ZNF385B: variants seen among roughly 807,000 people sequenced by gnomAD.
The protein encoded by ZNF385B is zinc finger protein 385B.
A neutral mutation model predicts 39.2 loss-of-function variants in ZNF385B; 23 were observed. That is an observed-to-expected ratio of 0.59 (90% CI 0.42 to 0.83). The LOEUF (loss-of-function observed/expected upper bound fraction) is 0.83. ZNF385B is among the 40% of genes least tolerant of loss of function. The pLI, the probability that ZNF385B is intolerant of heterozygous loss-of-function variation, is 0.00. For synonymous variants in ZNF385B, 205 were observed against 222.6 expected (o/e 0.92, Z 0.70); for missense variants, 552 against 598.9 (o/e 0.92, Z 0.82).
intron 3 of ZNF385B, among the ~76,000 whole-genome samples, chr2:179,665,373 C>T (rs1695011478): frequency 6.6e-6 from 1 of 152,126 alleles, no homozygotes; most frequent in African/African-American, 2.4e-5. Context: ...GAGGTGATGA[C>T]GAGAATCCAG....
At chr2:179,589,908 G>A (rs1486676569) in intron 3 of ZNF385B, among the ~76,000 whole-genome samples, 2 of 152,148 alleles carry the variant, frequency 1.3e-5, no homozygotes, top group African/African-American at 2.4e-5. Flanking sequence ...TCTTTTGTGA[G>A]GCAGATCTAA....
chr2:179,807,878 G>A (rs1240635521), intron 1 of ZNF385B, among the ~76,000 whole-genome samples: 1 of 145,198 alleles, frequency 6.9e-6, no homozygotes, highest in Non-Finnish European at 1.5e-5. Flanking sequence ...CTGGGCGACA[G>A]AGCGAGACTC....
chr2:179,654,559 AAAAT>A (rs1693542109), intron 3 of ZNF385B, among the ~76,000 whole-genome samples: 1 of 152,314 alleles, frequency 6.6e-6, no homozygotes, highest in East Asian at 1.9e-4. Flanking sequence ...TGTCTTAACT[AAAAT>A]AAATAGGAAT....
intron 1 of ZNF385B, among the ~76,000 whole-genome samples, chr2:179,805,228 A>G (rs1309281301): frequency 1.3e-5 from 2 of 152,170 alleles, no homozygotes; most frequent in South Asian, 2.1e-4. Context: ...AACACTCCAG[A>G]TTAGCTCCCA....
At chr2:179,517,701 C>A (rs930771009) in intron 5 of ZNF385B, among the ~76,000 whole-genome samples, 1 of 152,080 alleles carries the variant, frequency 6.6e-6, no homozygotes, top group African/African-American at 2.4e-5. Context: ...ATGCAGCCTT[C>A]GGATTCTGAT....
intron 1 of ZNF385B, among the ~76,000 whole-genome samples, chr2:179,777,494 C>A (rs1393241842): frequency 6.6e-6 from 1 of 152,044 alleles, no homozygotes; most frequent in East Asian, 1.9e-4. Context: ...ATACACATAT[C>A]TATAAACAAA....
intron 3 of ZNF385B, among the ~76,000 whole-genome samples, chr2:179,611,870 A>T (rs916240600): frequency 6.6e-6 from 1 of 151,984 alleles, no homozygotes. Flanking sequence ...ATCGATTGTA[A>T]TGTCTCCTTT....
chr2:179,518,474 A>G, intron 5 of ZNF385B, 54 bp downstream of exon 5: 2 of 1,269,444 alleles, frequency 1.6e-6, no homozygotes, highest in East Asian at 2.4e-5. Context: ...ATTTAGATCA[A>G]TCAGACTTTT....
intron 3 of ZNF385B, among the ~76,000 whole-genome samples, chr2:179,752,238 T>C (rs1702723468): frequency 6.6e-6 from 1 of 152,230 alleles, no homozygotes; most frequent in South Asian, 2.1e-4. Flanking sequence ...TCCAGCTTCA[T>C]CCATGTCCCT....
intron 3 of ZNF385B, among the ~76,000 whole-genome samples, chr2:179,768,637 GGGA>G (rs1442444248): frequency 3.3e-5 from 5 of 152,146 alleles, no homozygotes; most frequent in African/African-American, 4.8e-5. Context: ...CCCCACATTT[GGGA>G]GGAGGCTTAT....
intron 1 of ZNF385B, among the ~76,000 whole-genome samples, chr2:179,795,203 G>A (rs1428226829): frequency 6.6e-6 from 1 of 152,000 alleles, no homozygotes; most frequent in Non-Finnish European, 1.5e-5. Flanking sequence ...GGTGCCGAAG[G>A]GATGTCAAAT....
In ZNF385B at chr2:179,783,886, A is replaced by AG. The variant is rs1215494769; in HGVS notation, c.-154-13215dup. Reference sequence around the variant, plus strand: ...TATACTGTTGCTGGGAGGGTAAATTAGTTCAACCATTGTGGAACACAGCAT... The same window carrying AG: ...TATACTGTTGCTGGGAGGGTAAATTAGGTTCAACCATTGTGGAACACAGCAT... On this transcript the variant is annotated intron_variant, in intron 1 of 9. Transcript: ENST00000410066. Among the ~76,000 whole-genome samples, 3 of 152,326 alleles carry AG rather than the reference A, an allele frequency of 2.0e-5. 1 individual carries two copies. The highest frequency in any genetic ancestry group is 3.9e-4 in the East Asian group (2 of 5,190).
chr2:179,599,575 T>C (rs879431154), intron 3 of ZNF385B, among the ~76,000 whole-genome samples: 3 of 152,210 alleles, frequency 2.0e-5, no homozygotes, highest in African/African-American at 7.2e-5. Context: ...TGTTAAAATA[T>C]CTCCATTAAG....
Position 179,446,574 on chromosome 2 carries a change from T to C in ZNF385B, c.912A>G (p.Leu304=), listed in dbSNP as rs775058855. The change falls in exon 7 of 10, where the codon CTA becomes CTG. Residue 304 remains leucine (L), a synonymous_variant. Coordinates refer to ENST00000410066, the MANE Select transcript of ZNF385B (RefSeq NM_152520.6). ...ACAGGGAGTTCACAGCCACTTTGCA[T>C]AGTGAACAATAAAGTAATTTTTTGG... ...EKAKKLLYCS[L]CKVAVNSLSQ... The C allele has an allele frequency of 2.5e-6, 4 of 1,614,116 alleles. No homozygotes were observed. In the South Asian group the frequency reaches 3.3e-5, roughly 13 times the overall value.
At chr2:179,641,627 G>A (rs1159327840) in intron 3 of ZNF385B, among the ~76,000 whole-genome samples, 1 of 151,856 alleles carries the variant, frequency 6.6e-6, no homozygotes, top group Non-Finnish European at 1.5e-5. Context: ...CAACAAAATT[G>A]AACCTCTATG....
chr2:179,606,944 A>G (rs1384678630), intron 3 of ZNF385B, among the ~76,000 whole-genome samples: 1 of 152,030 alleles, frequency 6.6e-6, no homozygotes, highest in African/African-American at 2.4e-5. Flanking sequence ...TGTGCTATGT[A>G]TCTCCTGGGT....
chr2:179,591,174 A>T (rs983415839), intron 3 of ZNF385B, among the ~76,000 whole-genome samples: 1 of 151,926 alleles, frequency 6.6e-6, no homozygotes, highest in African/African-American at 2.4e-5. Context: ...AAATTATTTT[A>T]TGTTATTTTT....
intron 1 of ZNF385B, among the ~76,000 whole-genome samples, chr2:179,773,530 G>T (rs1044104869): frequency 2.0e-5 from 3 of 152,082 alleles, no homozygotes; most frequent in Non-Finnish European, 4.4e-5. Flanking sequence ...TCTCACCTCT[G>T]CACTCCTGAG....
At chr2:179,639,827 A>T (rs1464779482) in intron 3 of ZNF385B, among the ~76,000 whole-genome samples, 8 of 152,178 alleles carry the variant, frequency 5.3e-5, no homozygotes, top group African/African-American at 1.9e-4. Context: ...TGTGCAGATA[A>T]TGTTTGAATT....
Sources: gnomAD v4.1 joint callset for allele counts (sites outside exome capture counted in the v4.1 genomes callset) on GRCh38, gnomAD v4.1.1 for gene constraint, MANE v1.5 for transcripts, NCBI Gene and HGNC (gene_info 2026-07-23, HGNC 2026-07-21) for gene names.